Variants in AGMO observed in about 807,000 individuals in gnomAD.
The protein encoded by AGMO is alkylglycerol monooxygenase, also known as glyceryl-ether monooxygenase.
In AGMO, 75 loss-of-function variants were observed where a neutral mutation model predicts 60.2. That is an observed-to-expected ratio of 1.25 (90% CI 1.03 to 1.51). The LOEUF is 1.51. AGMO is among the 40% of genes most tolerant of loss of function. AGMO has a pLI of 0.00. For missense variants in AGMO, 763 were observed against 525.5 expected, an observed-to-expected ratio of 1.45 and a Z score of -4.42; for synonymous variants, 261 against 177.1, an observed-to-expected ratio of 1.47 and a Z score of -3.76.
Position 15,486,278 on chromosome 7 carries a change from C to T in AGMO, c.410-55170G>A, listed in dbSNP as rs376622559. 4.7e-4 allele frequency among the ~76,000 whole-genome samples: 71 copies of T among 152,088 alleles called. 1 individual carries two copies. Among genetic ancestry groups the T allele is most frequent in the African/African-American group, 1.7e-3 (69 of 41,504 alleles). On this transcript the variant is annotated intron_variant, in intron 3 of 12. Transcript: ENST00000342526. Reference sequence around the variant, plus strand: ...GGAATTTTCTGACAGTAACGGGTACCATTGTGATTTAGGAGGCAGTATTGA... The same window carrying T: ...GGAATTTTCTGACAGTAACGGGTACTATTGTGATTTAGGAGGCAGTATTGA...
At chr7:15,252,629 A>G (rs535498958) in intron 12 of AGMO, among the ~76,000 whole-genome samples, 2 of 152,308 alleles carry the variant, frequency 1.3e-5, no homozygotes, top group South Asian at 4.1e-4. Context: ...CAAGCCTCAG[A>G]TACGACCACA....
At chr7:15,343,429 C>T (rs1235339630) in intron 12 of AGMO, among the ~76,000 whole-genome samples, 1 of 152,066 alleles carries the variant, frequency 6.6e-6, no homozygotes, top group African/African-American at 2.4e-5. Context: ...CAGACAGCCC[C>T]AAATCTTAGG....
chr7:15,154,119 C>T, the AGMO span, among the ~76,000 whole-genome samples: 1 of 151,964 alleles, frequency 6.6e-6, no homozygotes, highest in African/African-American at 2.4e-5. Context: ...TGATCATATA[C>T]CTAGAAAACC....
chr7:15,217,493 A>T (rs1334253280), intron 12 of AGMO, among the ~76,000 whole-genome samples: 2 of 152,168 alleles, frequency 1.3e-5, no homozygotes, highest in East Asian at 3.8e-4. Flanking sequence ...AGCAGGAAAG[A>T]TATTATAAAG....
At chr7:15,415,812 A>T (rs1029400947) in intron 5 of AGMO, among the ~76,000 whole-genome samples, 1 of 152,100 alleles carries the variant, frequency 6.6e-6, no homozygotes, top group Non-Finnish European at 1.5e-5. Flanking sequence ...ACATGTATTA[A>T]ATAAAAAGAT....
intron 5 of AGMO, among the ~76,000 whole-genome samples, chr7:15,399,988 A>G (rs866316804): frequency 1.3e-5 from 2 of 152,030 alleles, no homozygotes; most frequent in Non-Finnish European, 2.9e-5. Flanking sequence ...GATTTTTCCA[A>G]TGAGTTTTGT....
the AGMO span, among the ~76,000 whole-genome samples, chr7:15,144,427 C>T: frequency 6.6e-6 from 1 of 151,970 alleles, no homozygotes; most frequent in South Asian, 2.1e-4. Context: ...AATTAAATAC[C>T]TCAAGTGTTT....
chr7:15,361,546 A>AAAAAAAAAAAAGAAAAAAAG (rs60239009), intron 12 of AGMO, among the ~76,000 whole-genome samples: 3 of 91,408 alleles, frequency 3.3e-5, no homozygotes, highest in African/African-American at 8.6e-5. Flanking sequence ...TCTCAAAAAA[A>AAAAAAAAAAAAGAAAAAAAG]AAAAAAAAGG....
At chr7:15,324,727 A>G (rs1781283698) in intron 12 of AGMO, among the ~76,000 whole-genome samples, 1 of 152,182 alleles carries the variant, frequency 6.6e-6, no homozygotes, top group Admixed American at 6.5e-5. Context: ...ACCTCAGATC[A>G]TCAGGCATTA....
intron 3 of AGMO, among the ~76,000 whole-genome samples, chr7:15,503,126 C>G (rs987084377): frequency 6.6e-6 from 1 of 151,976 alleles, no homozygotes; most frequent in African/African-American, 2.4e-5. Flanking sequence ...TTCATGTATT[C>G]ATTCAGTTCT....
rs556850859 is a variant in AGMO at position 15,414,546 on chromosome 7, G to C, written c.609+4012C>G. ...GAGAGAGAGAGAAAACAAGTCAGTA[G>C]AGGATGCCTACATTTTACTTTAGCC... is the stretch of plus-strand genomic sequence containing the variant. On this transcript the variant is annotated intron_variant, in intron 5 of 12. Coordinates refer to ENST00000342526, the MANE Select transcript of AGMO (RefSeq NM_001004320.2). Among the ~76,000 whole-genome samples the C allele has an allele frequency of 7.0e-4, 107 of 151,956 alleles. 2 individuals carry two copies. Among genetic ancestry groups the C allele is most frequent in the African/African-American group, 2.5e-3 (104 of 41,468 alleles).
rs979909294 is a variant in AGMO, at chr7:15,560,087, C to T, written c.257+54G>A. On this transcript the variant is annotated intron_variant, in intron 2 of 12. Transcript: ENST00000342526. ...CCATGCATTGGGTTCCTTTGCCCCT[C>T]ATACTTAGGCAATTTCAGTTTTTAT... 1.1e-5 allele frequency: 16 copies of T among 1,449,328 alleles called. No homozygotes were observed. The East Asian group carries it at 4.0e-4, about 36-fold the overall frequency. The allele number at this position is 1,449,328 out of a possible 1,614,324, so 89.8% of individuals were successfully genotyped here. A position where few individuals can be genotyped will look rare whatever the true frequency, so the allele number is the denominator to read the frequency against.
At chr7:15,397,634 CTCTT>C (rs1784446086) in intron 5 of AGMO, among the ~76,000 whole-genome samples, 1 of 152,182 alleles carries the variant, frequency 6.6e-6, no homozygotes, top group South Asian at 2.1e-4. Flanking sequence ...CCCTCTCTTT[CTCTT>C]TCTTTTTTCT....
intron 3 of AGMO, among the ~76,000 whole-genome samples, chr7:15,464,780 C>G (rs1782235018): frequency 6.6e-6 from 1 of 152,098 alleles, no homozygotes. Context: ...GTCACCAAGT[C>G]TGACTAGAAA....
chr7:15,354,487 T>TAC (rs202018315), intron 12 of AGMO, among the ~76,000 whole-genome samples: 3 of 24,138 alleles, frequency 1.2e-4, no homozygotes, highest in East Asian at 2.0e-3. Flanking sequence ...CGTGTGTATA[T>TAC]ACACACGTGT....
intron 3 of AGMO, among the ~76,000 whole-genome samples, chr7:15,452,692 G>T (rs1242490935): frequency 6.6e-6 from 1 of 152,168 alleles, no homozygotes; most frequent in African/African-American, 2.4e-5. Context: ...TCAATAAGAA[G>T]AACAGTTACC....
At chr7:15,516,817 A>G (rs1043945032) in intron 3 of AGMO, among the ~76,000 whole-genome samples, 2 of 151,634 alleles carry the variant, frequency 1.3e-5, no homozygotes, top group Non-Finnish European at 1.5e-5. Context: ...GATATCGGTG[A>G]GTATAAAAAT....
intron 3 of AGMO, among the ~76,000 whole-genome samples, chr7:15,538,649 G>C (rs917944989): frequency 2.6e-5 from 4 of 152,210 alleles, no homozygotes; most frequent in African/African-American, 9.7e-5. Context: ...AAGAATGTAA[G>C]TAATCTATTC....
intron 9 of AGMO, 81 bp downstream of exon 9, chr7:15,387,325 A>G (rs1279594276): frequency 6.8e-7 from 1 of 1,465,990 alleles, no homozygotes; most frequent in Non-Finnish European, 9.2e-7. Flanking sequence ...TTTGCATGAA[A>G]ACAGCGTATG....
Sources: allele counts gnomAD v4.1 joint callset (sites outside exome capture counted in the v4.1 genomes callset), GRCh38; gene constraint gnomAD v4.1.1; transcripts MANE v1.5; gene names NCBI Gene and HGNC (gene_info 2026-07-23, HGNC 2026-07-21).